TRDN: variants seen among roughly 807,000 people sequenced by gnomAD.
TRDN encodes triadin in skeletal muscle.
In TRDN, 161 loss-of-function variants were observed where a neutral mutation model predicts 149.7. That is an observed-to-expected ratio of 1.08 (90% confidence interval 0.95 to 1.23). The LOEUF (loss-of-function observed/expected upper bound fraction) is 1.23. Ranked by LOEUF, TRDN falls within the 50% of genes most tolerant of loss-of-function variation. The pLI is 0.00. For synonymous variants in TRDN, 294 were observed against 250.5 expected (o/e 1.17, Z -1.64); for missense variants, 896 against 823.5 (o/e 1.09, Z -1.08).
intron 24 of TRDN, among the ~76,000 whole-genome samples, chr6:123,293,115 A>G (rs1168200456): frequency 2.6e-5 from 4 of 152,108 alleles, no homozygotes; most frequent in African/African-American, 9.7e-5. Flanking sequence ...TGGATTTTTC[A>G]TCAACATTCC....
In TRDN at chr6:123,381,956, G is replaced by GCTCTCT. The variant is rs55997261; in HGVS notation, c.1165+156_1165+161dup. 6.4e-3 allele frequency among the ~76,000 whole-genome samples: 888 copies of GCTCTCT among 138,474 alleles called. 5 individuals carry two copies. Among genetic ancestry groups the GCTCTCT allele is most frequent in the East Asian group, 0.02 (94 of 4,600 alleles). 90.8% of individuals were successfully genotyped at this position (138,474 alleles called of 152,430 possible). On this transcript the variant is annotated intron_variant, in intron 15 of 40. Transcript: ENST00000334268. ...GCAGTATTGTCAGAATAGATTTGGC[G>GCTCTCT]CTCTCTCTCTCTCTCTCTCTCTCTC...
intron 24 of TRDN, among the ~76,000 whole-genome samples, chr6:123,315,854 C>T (rs1259924631): frequency 1.3e-5 from 2 of 151,926 alleles, no homozygotes; most frequent in Admixed American, 6.6e-5. Flanking sequence ...AATCTCTTGA[C>T]TTCTTCCCTT....
At chr6:123,389,906 T>A (rs547189666) in intron 13 of TRDN, among the ~76,000 whole-genome samples, 186 of 152,256 alleles carry the variant, frequency 1.2e-3, no homozygotes, top group African/African-American at 4.1e-3. Context: ...CCTGATGAAT[T>A]TCAAAGCCAT....
At chr6:123,494,965 C>G (rs1778379729) in intron 9 of TRDN, among the ~76,000 whole-genome samples, 1 of 151,772 alleles carries the variant, frequency 6.6e-6, no homozygotes, top group African/African-American at 2.4e-5. Context: ...AACTCCTGAC[C>G]TCAGGTGATC....
At chr6:123,462,928 G>T (rs1213831913) in intron 10 of TRDN, 1 of 152,136 alleles carries the variant, frequency 6.6e-6, no homozygotes, top group Non-Finnish European at 1.5e-5. Flanking sequence ...AGCTGCTCAG[G>T]GTTAGCAGCC....
intron 7 of TRDN, among the ~76,000 whole-genome samples, chr6:123,504,512 A>T (rs543399399): frequency 6.6e-6 from 1 of 152,292 alleles, no homozygotes; most frequent in East Asian, 1.9e-4. Flanking sequence ...GGCCTTAGAA[A>T]AACTGAAAGT....
At chr6:123,289,424 G>A (rs1022139127) in intron 24 of TRDN, among the ~76,000 whole-genome samples, 6 of 152,034 alleles carry the variant, frequency 3.9e-5, no homozygotes, top group African/African-American at 1.4e-4. Context: ...TTCTCATGGC[G>A]ATCACAGTCA....
At chr6:123,289,008 A>G (rs1474855712) in intron 24 of TRDN, among the ~76,000 whole-genome samples, 2 of 138,960 alleles carry the variant, frequency 1.4e-5, no homozygotes, top group Non-Finnish European at 3.1e-5. Flanking sequence ...GGATTTAAAA[A>G]TGTGGGGGGT....
intron 33 of TRDN, among the ~76,000 whole-genome samples, chr6:123,262,619 A>G (rs1300139834): frequency 6.6e-6 from 1 of 152,020 alleles, no homozygotes; most frequent in African/African-American, 2.4e-5. Context: ...CAGGTATCAC[A>G]TTTTTTACAA....
At chr6:123,474,239 T>C (rs1777341750) in intron 9 of TRDN, among the ~76,000 whole-genome samples, 1 of 151,756 alleles carries the variant, frequency 6.6e-6, no homozygotes, top group African/African-American at 2.4e-5. Context: ...AATAAAAGGA[T>C]GGAGGAAGAT....
At chr6:123,586,834 A>G (rs1444851123) in intron 1 of TRDN, among the ~76,000 whole-genome samples, 2 of 152,044 alleles carry the variant, frequency 1.3e-5, no homozygotes, top group African/African-American at 4.8e-5. Flanking sequence ...CTTACCCTCC[A>G]GAAAAGCGGG....
chr6:123,610,258 G>A (rs549197811), intron 1 of TRDN, among the ~76,000 whole-genome samples: 16 of 152,128 alleles, frequency 1.1e-4, no homozygotes, highest in Non-Finnish European at 2.1e-4. Flanking sequence ...AGAACAACAT[G>A]GCTCAGCCAT....
At chr6:123,364,472 A>G (rs896284099) in intron 20 of TRDN, among the ~76,000 whole-genome samples, 1 of 152,118 alleles carries the variant, frequency 6.6e-6, no homozygotes, top group African/African-American at 2.4e-5. Context: ...CCCTGTCTGT[A>G]CTAAAAATAC....
At chr6:123,456,706 C>G in intron 10 of TRDN, 1 of 426,482 alleles carries the variant, frequency 2.3e-6, no homozygotes, top group Admixed American at 2.5e-5. Flanking sequence ...TGAGCTGAAG[C>G]GATCCACCCA....
intron 1 of TRDN, among the ~76,000 whole-genome samples, chr6:123,582,033 G>C (rs1414246702): frequency 6.6e-6 from 1 of 152,126 alleles, no homozygotes; most frequent in Non-Finnish European, 1.5e-5. Flanking sequence ...ATCTCAAGAG[G>C]TCCCAAGAAC....
intron 23 of TRDN, among the ~76,000 whole-genome samples, chr6:123,318,676 T>G (rs552266805): frequency 1.3e-5 from 2 of 152,230 alleles, no homozygotes; most frequent in South Asian, 4.1e-4. Flanking sequence ...TGAAACAGCC[T>G]TGCTTCCCAC....
At chr6:123,541,228 CTTTTAA>C (rs975442975) in intron 4 of TRDN, among the ~76,000 whole-genome samples, 1 of 152,176 alleles carries the variant, frequency 6.6e-6, no homozygotes, top group African/African-American at 2.4e-5. Context: ...CTCAGAGACT[CTTTTAA>C]TTCCTTCTGA....
At chr6:123,371,921 T>C (rs1450934429) in intron 19 of TRDN, among the ~76,000 whole-genome samples, 2 of 152,110 alleles carry the variant, frequency 1.3e-5, no homozygotes, top group Non-Finnish European at 2.9e-5. Context: ...GTGATACTAT[T>C]AGTAATTATA....
At chr6:123,350,721 A>T (rs2114291484) in intron 21 of TRDN, 1 of 863,540 alleles carries the variant, frequency 1.2e-6, no homozygotes, top group Non-Finnish European at 1.4e-6. Context: ...GATTGTTATG[A>T]TTGAAAAATA....
Sources: gnomAD v4.1 joint callset for allele counts (sites outside exome capture counted in the v4.1 genomes callset) on GRCh38, gnomAD v4.1.1 for gene constraint, MANE v1.5 for transcripts, NCBI Gene and HGNC (gene_info 2026-07-23, HGNC 2026-07-21) for gene names.